IFT140: variants seen among roughly 807,000 people sequenced by gnomAD.
IFT140 encodes intraflagellar transport protein 140 homolog.
IFT140 carries 133 observed loss-of-function variants against 164.6 expected under a neutral mutation model. That is an observed-to-expected ratio of 0.81 (90% CI 0.70 to 0.93). The LOEUF (loss-of-function observed/expected upper bound fraction) is 0.93, where lower values mean the gene tolerates loss of function less well. Ranked by LOEUF, IFT140 falls within the 40% of genes least tolerant of loss-of-function variation. The pLI is 0.00. For missense variants in IFT140, 2,045 were observed against 1,972.3 expected (o/e 1.04, Z -0.70); for synonymous variants, 860 against 817.3 (o/e 1.05, Z -0.89).
intron 3 of IFT140, chr16:1,604,274 C>CGAGT (rs552736270): frequency 3.1e-5 from 4 of 129,812 alleles, no homozygotes; most frequent in Admixed American, 8.0e-5. Flanking sequence ...GCTGCAAGGG[C>CGAGT]GTGTGTGTGT....
chr16:1,540,359 C>T lies in IFT140; in HGVS notation c.2400-13563G>A, dbSNP rs370985787. ...ATACTTCTAACCACGTAAACACTCA[C>T]GAAGTAAAGCAGCCCGCATCCCCCA... On this transcript the variant is annotated intron_variant, in intron 19 of 30. Transcript: ENST00000426508. Among the ~76,000 whole-genome samples the T allele has an allele frequency of 5.9e-5, 9 of 152,350 alleles. No homozygotes were observed. The East Asian group carries it at 7.7e-4, about 13-fold the overall frequency.
chr16:1,568,468 G>C (rs1198593019), intron 14 of IFT140, 134 bp from the exon 15 acceptor site: 4 of 698,796 alleles, frequency 5.7e-6, no homozygotes, highest in Non-Finnish European at 9.7e-6. Flanking sequence ...TGGCGCGTGT[G>C]CACCATGAGG....
chr16:1,549,106 TGAG>T (rs1261164008), intron 19 of IFT140, among the ~76,000 whole-genome samples: 4 of 152,196 alleles, frequency 2.6e-5, no homozygotes, highest in African/African-American at 7.2e-5. Context: ...CGCAGGTTCA[TGAG>T]GTTCAGGGCC....
chr16:1,585,115 A>G (rs1419482241), intron 10 of IFT140, among the ~76,000 whole-genome samples: 1 of 152,238 alleles, frequency 6.6e-6, no homozygotes, highest in Admixed American at 6.5e-5. Flanking sequence ...CAGAGAAATT[A>G]AAACATCCTC....
chr16:1,576,587 G>A (rs1389456903), intron 13 of IFT140: 12 of 129,974 alleles, frequency 9.2e-5, no homozygotes, highest in African/African-American at 2.6e-4. Context: ...GGGAAACTTC[G>A]TCTCAAAAAA....
chr16:1,563,373 C>T (rs960241712), intron 17 of IFT140, among the ~76,000 whole-genome samples: 13 of 150,724 alleles, frequency 8.6e-5, no homozygotes, highest in East Asian at 8.2e-4. Flanking sequence ...CGGCTCACTC[C>T]GCCTGGGAGG....
At chr16:1,524,978 C>T in intron 22 of IFT140, 62 bp from the exon 23 acceptor site, 3 of 1,559,620 alleles carry the variant, frequency 1.9e-6, no homozygotes, top group Admixed American at 3.4e-5. Context: ...GGGACGGCCC[C>T]CACCCCGCCC....
At chr16:1,609,791 C>T (rs1273975787) in intron 2 of IFT140, among the ~76,000 whole-genome samples, 2 of 152,158 alleles carry the variant, frequency 1.3e-5, no homozygotes, top group African/African-American at 2.4e-5. Context: ...AGATGGCTGA[C>T]AATAAAATAG....
At chr16:1,540,712 G>T (rs1294435905) in intron 19 of IFT140, 3 of 516,866 alleles carry the variant, frequency 5.8e-6, no homozygotes, top group African/African-American at 2.1e-5. Flanking sequence ...TTCCCTCTTA[G>T]ATTCCTGCAT....
At chr16:1,583,459 C>G in intron 11 of IFT140, 73 bp from the exon 12 acceptor site, 1 of 1,211,798 alleles carries the variant, frequency 8.3e-7, no homozygotes, top group Non-Finnish European at 1.2e-6. Context: ...CACTGCACAC[C>G]TCGAAAGCCT....
intron 29 of IFT140, among the ~76,000 whole-genome samples, chr16:1,519,495 A>G (rs2040456281): frequency 6.6e-6 from 1 of 152,068 alleles, no homozygotes; most frequent in South Asian, 2.1e-4. Flanking sequence ...GTGGAGAGGC[A>G]TGAGCCCTCT....
In IFT140 at chr16:1,526,020, A is replaced by T. The variant is rs1249236442; in HGVS notation, c.2635T>A (p.Tyr879Asn). The T allele has an allele frequency of 6.2e-7, 1 of 1,602,230 alleles. No individual in the cohort carries two copies. Among genetic ancestry groups the T allele is most frequent in the African/African-American group, 1.3e-5 (1 of 74,836 alleles). ...TCCTGCCACCGGCCCGCAGCCTGGTAGAACTTGTTCAGGAGGTCGTGGCGC... is the reference window on the plus strand; with the variant it reads ...TCCTGCCACCGGCCCGCAGCCTGGTTGAACTTGTTCAGGAGGTCGTGGCGC... ...CKRHDLLNKFYQAAGRWQEAL... is the reference protein window; with the variant it reads ...CKRHDLLNKFNQAAGRWQEAL... The change falls in exon 21 of 31, where the codon TAC (tyrosine) becomes AAC (asparagine). Residue 879 changes from tyrosine (Y) to asparagine (N), a missense_variant. Transcript: ENST00000426508.
chr16:1,525,150 G>A (rs922162821), intron 22 of IFT140, 81 bp downstream of exon 22: 18 of 1,282,398 alleles, frequency 1.4e-5, no homozygotes, highest in African/African-American at 8.7e-5. Context: ...ACGGGAAAGG[G>A]AGCCGTCTCA....
intron 30 of IFT140, among the ~76,000 whole-genome samples, chr16:1,512,103 G>A (rs563932064): frequency 1.2e-4 from 17 of 147,558 alleles, no homozygotes; most frequent in African/African-American, 4.0e-4. Flanking sequence ...CAGAAGGTGC[G>A]GAGGGCGGGT....
intron 19 of IFT140, among the ~76,000 whole-genome samples, chr16:1,528,326 C>G (rs556796958): frequency 2.5e-5 from 3 of 119,196 alleles, no homozygotes; most frequent in African/African-American, 1.2e-4. Flanking sequence ...CACGCATGCA[C>G]GCACGTGTGC....
In IFT140 at chr16:1,549,488, G is replaced by A. The variant is rs895586613; in HGVS notation, c.2399+8447C>T. ...GTTGCCCAGGCTGGAGGGCAATGGC[G>A]TGCAATCTCGGCTCACCGCCGCAAG... On this transcript the variant is annotated intron_variant, in intron 19 of 30. Transcript: ENST00000426508. Among the ~76,000 whole-genome samples, 7 of 152,270 alleles carry A rather than the reference G, an allele frequency of 4.6e-5. No individual in the cohort carries two copies. In the South Asian group the frequency reaches 6.2e-4, roughly 14 times the overall value.
In IFT140 at chr16:1,587,228, T is replaced by C; in HGVS notation, c.979A>G (p.Met327Val). 2.5e-6 allele frequency: 4 copies of C among 1,611,776 alleles called. No individual in the cohort carries two copies. The highest frequency in any genetic ancestry group is 2.5e-6 in the Non-Finnish European group (3 of 1,177,858). Residue 327 changes from methionine to valine, a missense_variant, in exon 9 of 31, where the codon ATG becomes GTG. Met to Val is a conservative substitution (Grantham distance 21). Coordinates refer to ENST00000426508, the MANE Select transcript of IFT140 (RefSeq NM_014714.4). ...EKFGFEKGEN[M>V]NCVCYCKVKG... ...ACTTTACAGTAACACACACAGTTCA[T>C]ATTCTCTCCTTTCTCAAAGCCAAAC...
intron 13 of IFT140, among the ~76,000 whole-genome samples, chr16:1,573,574 G>T (rs1355906758): frequency 1.3e-5 from 2 of 152,070 alleles, no homozygotes; most frequent in Admixed American, 1.3e-4. Context: ...TCTGCCTCTG[G>T]AGTTCCTGTC....
intron 25 of IFT140, 26 bp downstream of exon 25, chr16:1,523,802 G>A (rs374301501): frequency 2.5e-6 from 4 of 1,609,310 alleles, no homozygotes; most frequent in African/African-American, 2.7e-5. Flanking sequence ...CCCTCCCCCA[G>A]GTCCCCACCG....
Sources: gnomAD v4.1 joint callset for allele counts (sites outside exome capture counted in the v4.1 genomes callset) on GRCh38, gnomAD v4.1.1 for gene constraint, MANE v1.5 for transcripts, NCBI Gene and HGNC (gene_info 2026-07-23, HGNC 2026-07-21) for gene names.